The following SORCS3 variants were observed in gnomAD, a reference collection of about 807,000 sequenced individuals.
The protein encoded by SORCS3 is VPS10 domain-containing receptor SorCS3.
Under a neutral mutation model 146.3 loss-of-function variants are expected in SORCS3, and 57 were observed. That is an observed-to-expected ratio of 0.39 (90% CI 0.31 to 0.49). SORCS3 has a LOEUF of 0.49. SORCS3 is among the 20% of genes least tolerant of loss of function. The probability of loss-of-function intolerance (pLI) is 0.92; values close to 1 mark genes in which losing one functional copy is unlikely to be tolerated. For synonymous variants in SORCS3, 653 were observed against 618.5 expected (o/e 1.06, Z -0.83); for missense variants, 1,341 against 1,575.5 (o/e 0.85, Z 2.52).
intron 2 of SORCS3, among the ~76,000 whole-genome samples, chr10:104,876,733 T>TCCTC (rs2018576307): frequency 8.1e-6 from 1 of 123,674 alleles, no homozygotes; most frequent in Non-Finnish European, 1.7e-5. Flanking sequence ...CTTCCTTCCT[T>TCCTC]CCTTCCTTCC....
chr10:105,249,638 T>G (rs1019842264), intron 22 of SORCS3, among the ~76,000 whole-genome samples: 1 of 152,144 alleles, frequency 6.6e-6, no homozygotes, highest in African/African-American at 2.4e-5. Context: ...TCCTAGCACT[T>G]TGGGAGCCGA....
chr10:105,148,734 G>A (rs1374175434), intron 9 of SORCS3, among the ~76,000 whole-genome samples: 1 of 152,084 alleles, frequency 6.6e-6, no homozygotes, highest in Non-Finnish European at 1.5e-5. Context: ...AGGAGTGGGA[G>A]TGGCTACATG....
rs534042718 is a variant in SORCS3 at position 104,685,837 on chromosome 10, C to T, written c.627+43883C>T. Among the ~76,000 whole-genome samples the T allele has an allele frequency of 2.6e-5, 4 of 152,288 alleles. No individual in the cohort carries two copies. In the South Asian group the frequency reaches 8.3e-4, roughly 32 times the overall value. ...TCATTGGTTCCCTCTTCCCTTTGTC[C>T]CCACAAATGTTTTCTAGGGAGTGGA... On this transcript the variant is annotated intron_variant, in intron 1 of 26. Coordinates refer to ENST00000369701, the MANE Select transcript of SORCS3 (RefSeq NM_014978.3).
In SORCS3 at chr10:104,783,495, G is replaced by A. The variant is rs993495937; in HGVS notation, c.628-59297G>A. Among the ~76,000 whole-genome samples the A allele has an allele frequency of 2.0e-5, 3 of 152,092 alleles. No individual in the cohort carries two copies. The East Asian group carries it at 5.8e-4, about 29-fold the overall frequency. On this transcript the variant is annotated intron_variant, in intron 1 of 26. Coordinates refer to ENST00000369701, the MANE Select transcript of SORCS3 (RefSeq NM_014978.3). Reference sequence around the variant, plus strand: ...ACACCTGTAATCCCAGCATGTTGGGGGACCGAGGCGGGTGGATCACCTGAG... The same window carrying A: ...ACACCTGTAATCCCAGCATGTTGGGAGACCGAGGCGGGTGGATCACCTGAG...
chr10:105,261,276 A>C (rs1246434614), intron 25 of SORCS3, among the ~76,000 whole-genome samples: 1 of 152,232 alleles, frequency 6.6e-6, no homozygotes, highest in African/African-American at 2.4e-5. Flanking sequence ...CTCAGAGACG[A>C]CATGTAAGCC....
At chr10:105,051,684 AC>A (rs1403372503) in intron 5 of SORCS3, among the ~76,000 whole-genome samples, 2 of 152,122 alleles carry the variant, frequency 1.3e-5, no homozygotes, top group Admixed American at 1.3e-4. Flanking sequence ...ATGTGCATCT[AC>A]GATTTTGCAA....
chr10:104,696,967 G>A (rs1360604588), intron 1 of SORCS3, among the ~76,000 whole-genome samples: 6 of 150,050 alleles, frequency 4.0e-5, no homozygotes, highest in East Asian at 3.9e-4. Context: ...AGGGACTGGC[G>A]GGTGGAGGAT....
At chr10:105,242,782 A>G (rs2056841195) in intron 20 of SORCS3, among the ~76,000 whole-genome samples, 1 of 106,036 alleles carries the variant, frequency 9.4e-6, no homozygotes, top group Admixed American at 1.4e-4. Flanking sequence ...ATATATTTAT[A>G]TATTTATATA....
chr10:104,742,020 T>C (rs2133461306), intron 1 of SORCS3, among the ~76,000 whole-genome samples: 1 of 152,124 alleles, frequency 6.6e-6, no homozygotes, highest in East Asian at 1.9e-4. Context: ...AAAAATTGTA[T>C]CCTGGACATT....
intron 2 of SORCS3, among the ~76,000 whole-genome samples, chr10:104,860,141 T>C (rs2018383810): frequency 8.3e-6 from 1 of 120,840 alleles, no homozygotes; most frequent in Admixed American, 9.8e-5. Context: ...GCGGCACTAT[T>C]CACAATAGCA....
chr10:105,083,084 G>T (rs2055636349), intron 5 of SORCS3, among the ~76,000 whole-genome samples: 1 of 152,010 alleles, frequency 6.6e-6, no homozygotes, highest in Non-Finnish European at 1.5e-5. Context: ...ATTCATACCT[G>T]ATCTTCACAT....
intron 1 of SORCS3, among the ~76,000 whole-genome samples, chr10:104,724,451 G>A (rs558986723): frequency 0.011 from 1,636 of 152,080 alleles, 31 homozygotes; most frequent in African/African-American, 0.038. Context: ...ACAATTATGT[G>A]TCTTGGAGTT....
intron 1 of SORCS3, among the ~76,000 whole-genome samples, chr10:104,703,996 C>T (rs1386760950): frequency 1.3e-5 from 2 of 152,104 alleles, no homozygotes; most frequent in Non-Finnish European, 2.9e-5. Context: ...GTAATCTAAT[C>T]TGTCACCTAC....
At chr10:104,663,549 G>T (rs916608340) in intron 1 of SORCS3, among the ~76,000 whole-genome samples, 3 of 152,122 alleles carry the variant, frequency 2.0e-5, no homozygotes, top group Non-Finnish European at 4.4e-5. Flanking sequence ...TTGTTATGTG[G>T]TGGCTCCCTC....
chr10:105,101,682 C>T (rs1375907018), intron 6 of SORCS3, among the ~76,000 whole-genome samples: 1 of 152,138 alleles, frequency 6.6e-6, no homozygotes, highest in African/African-American at 2.4e-5. Context: ...CTCGAATACA[C>T]TTGCTTCCTT....
At chr10:104,905,794 C>G (rs1269733508) in intron 2 of SORCS3, among the ~76,000 whole-genome samples, 1 of 152,158 alleles carries the variant, frequency 6.6e-6, no homozygotes, top group African/African-American at 2.4e-5. Flanking sequence ...ATGAGAGGCT[C>G]CGTCGGGGAG....
chr10:105,039,722 T>A (rs1408421255), intron 4 of SORCS3, among the ~76,000 whole-genome samples: 2 of 152,092 alleles, frequency 1.3e-5, no homozygotes, highest in African/African-American at 4.8e-5. Flanking sequence ...CCCAAAGTGC[T>A]GGGATTATAG....
At chr10:105,259,587 A>G (rs546984920) in intron 25 of SORCS3, among the ~76,000 whole-genome samples, 6 of 152,310 alleles carry the variant, frequency 3.9e-5, no homozygotes, top group Non-Finnish European at 7.4e-5. Context: ...ATTTTCTTAT[A>G]TCTCAAGTAA....
In SORCS3 at chr10:104,902,509, T is replaced by C. The variant is rs1390106981; in HGVS notation, c.696-13324T>C. ...AATTGCTGTCTTCTCTTTCCAGTTA[T>C]ACTTTTTTCCTTGGCTTCTGCAACC... On this transcript the variant is annotated intron_variant, in intron 2 of 26. Coordinates refer to ENST00000369701, the MANE Select transcript of SORCS3 (RefSeq NM_014978.3). Among the ~76,000 whole-genome samples, 4 of 152,246 alleles carry C rather than the reference T, an allele frequency of 2.6e-5. No homozygotes were observed. The East Asian group carries it at 7.7e-4, about 29-fold the overall frequency.
Sources: allele counts gnomAD v4.1 joint callset (sites outside exome capture counted in the v4.1 genomes callset), GRCh38; gene constraint gnomAD v4.1.1; transcripts MANE v1.5; gene names NCBI Gene and HGNC (gene_info 2026-07-23, HGNC 2026-07-21).